SLC24A2: variants seen among roughly 807,000 people sequenced by gnomAD.
SLC24A2 encodes solute carrier family 24 member 2, also known as sodium/potassium/calcium exchanger 2.
SLC24A2 carries 36 observed loss-of-function variants against 62.0 expected under a neutral mutation model. The ratio of observed to expected loss-of-function variants is 0.58; its 90% confidence interval spans 0.44 to 0.77. The LOEUF is 0.77. SLC24A2 is among the 30% of genes least tolerant of loss of function. The pLI, the probability that SLC24A2 is intolerant of heterozygous loss-of-function variation, is 0.00. For missense variants in SLC24A2, 846 were observed against 817.9 expected (o/e 1.03, Z -0.42); for synonymous variants, 358 against 294.0 (o/e 1.22, Z -2.23).
the SLC24A2 span, among the ~76,000 whole-genome samples, chr9:20,232,953 A>C: frequency 6.6e-6 from 1 of 152,110 alleles, no homozygotes; most frequent in Non-Finnish European, 1.5e-5. Context: ...TTCAAAGAAC[A>C]TCTTTATTTC....
the SLC24A2 span, among the ~76,000 whole-genome samples, chr9:19,961,023 G>GGTGTGTGTGTGTGT: frequency 7.1e-6 from 1 of 141,618 alleles, no homozygotes; most frequent in South Asian, 2.2e-4. Flanking sequence ...TAGAGGGGTG[G>GGTGTGTGTGTGTGT]GTGTGTGTGT....
chr9:20,120,819 G>C, the SLC24A2 span, among the ~76,000 whole-genome samples: 2 of 151,886 alleles, frequency 1.3e-5, no homozygotes. Flanking sequence ...TTAATGTTTT[G>C]TATGGTGACA....
At chr9:19,592,536 A>G (rs1836589410) in intron 5 of SLC24A2, among the ~76,000 whole-genome samples, 1 of 151,626 alleles carries the variant, frequency 6.6e-6, no homozygotes, top group African/African-American at 2.4e-5. Flanking sequence ...CTACCTACCT[A>G]CCTACCTATC....
At chr9:20,278,152 T>C in the SLC24A2 span, among the ~76,000 whole-genome samples, 1 of 152,062 alleles carries the variant, frequency 6.6e-6, no homozygotes, top group Admixed American at 6.5e-5. Context: ...AGTTAATGGG[T>C]GCAGCACACC....
intron 7 of SLC24A2, among the ~76,000 whole-genome samples, chr9:19,558,802 ACT>A (rs1835240299): frequency 6.6e-6 from 1 of 152,038 alleles, no homozygotes; most frequent in Admixed American, 6.5e-5. Flanking sequence ...CATTGAAAAT[ACT>A]CTCACTGACA....
the SLC24A2 span, among the ~76,000 whole-genome samples, chr9:20,126,636 G>A: frequency 6.6e-5 from 10 of 152,024 alleles, no homozygotes; most frequent in East Asian, 1.9e-3. Context: ...AATGAGTGAG[G>A]CTTTAAGGAT....
chr9:20,083,988 G>A, the SLC24A2 span, among the ~76,000 whole-genome samples: 1 of 152,170 alleles, frequency 6.6e-6, no homozygotes, highest in Non-Finnish European at 1.5e-5. Context: ...TTGGTAATGG[G>A]TTTCCAGAGC....
chr9:20,198,745 C>A, the SLC24A2 span, among the ~76,000 whole-genome samples: 2 of 151,402 alleles, frequency 1.3e-5, no homozygotes, highest in African/African-American at 2.4e-5. Flanking sequence ...TACCTAGATA[C>A]TTAGTAGCCT....
the SLC24A2 span, among the ~76,000 whole-genome samples, chr9:20,266,957 C>T: frequency 6.6e-6 from 1 of 151,606 alleles, no homozygotes; most frequent in Non-Finnish European, 1.5e-5. Context: ...TGGAACACAT[C>T]TGTAGTCCTA....
chr9:19,787,954 A>G (rs2383122), intron 1 of SLC24A2, among the ~76,000 whole-genome samples: 59,422 of 152,074 alleles, frequency 0.39, 12,592 homozygotes, highest in Admixed American at 0.49. Flanking sequence ...TTCTTTCTCT[A>G]TCCCACGGAG....
chr9:19,587,273 A>G (rs985028170), intron 5 of SLC24A2, among the ~76,000 whole-genome samples: 1 of 152,234 alleles, frequency 6.6e-6, no homozygotes, highest in African/African-American at 2.4e-5. Context: ...AGGAACCTAT[A>G]TATTACCCAA....
intron 4 of SLC24A2, among the ~76,000 whole-genome samples, chr9:19,598,333 T>C (rs16937643): frequency 0.029 from 4,451 of 152,312 alleles, 221 homozygotes; most frequent in African/African-American, 0.1. Context: ...GGAATCCTCA[T>C]ATGAATAAAC....
chr9:19,573,537 G>GAA (rs1835913786), intron 6 of SLC24A2, 68 bp from the exon 7 acceptor site: 1 of 831,560 alleles, frequency 1.2e-6, no homozygotes, highest in South Asian at 1.3e-5. Flanking sequence ...CACAGAGAGA[G>GAA]AGAGAGAGAG....
At chr9:19,924,849 ATAATTAC>A in the SLC24A2 span, among the ~76,000 whole-genome samples, 1 of 152,182 alleles carries the variant, frequency 6.6e-6, no homozygotes, top group Non-Finnish European at 1.5e-5. Flanking sequence ...TGTTTGCCCC[ATAATTAC>A]TATCCTTCAG....
At chr9:20,082,443 G>C in the SLC24A2 span, among the ~76,000 whole-genome samples, 178 of 152,338 alleles carry the variant, frequency 1.2e-3, 2 homozygotes, top group East Asian at 0.017. Context: ...AGTTCTGTCA[G>C]TGATATTCAA....
the SLC24A2 span, among the ~76,000 whole-genome samples, chr9:20,266,178 C>A: frequency 6.6e-6 from 1 of 152,088 alleles, no homozygotes; most frequent in Non-Finnish European, 1.5e-5. Context: ...TCTCTGTGAC[C>A]CACACCCTAT....
At chr9:19,900,134 G>A in the SLC24A2 span, among the ~76,000 whole-genome samples, 1 of 152,184 alleles carries the variant, frequency 6.6e-6, no homozygotes, top group Non-Finnish European at 1.5e-5. Context: ...TTAAGCCTCT[G>A]TGCTCTGCCC....
the SLC24A2 span, among the ~76,000 whole-genome samples, chr9:19,952,674 T>C: frequency 6.6e-6 from 1 of 151,394 alleles, no homozygotes; most frequent in Non-Finnish European, 1.5e-5. Flanking sequence ...TTTTTTTTTT[T>C]TGCCAGTGTT....
chr9:19,891,213 C>G, the SLC24A2 span, among the ~76,000 whole-genome samples: 1 of 152,318 alleles, frequency 6.6e-6, no homozygotes, highest in South Asian at 2.1e-4. Context: ...CAGTCTTGTC[C>G]TGTTCACACC....
Sources: allele counts gnomAD v4.1 joint callset (sites outside exome capture counted in the v4.1 genomes callset), GRCh38; gene constraint gnomAD v4.1.1; transcripts MANE v1.5; gene names NCBI Gene and HGNC (gene_info 2026-07-23, HGNC 2026-07-21).